Variants in TBXA2R observed in about 807,000 individuals in gnomAD.
TBXA2R encodes the protein thromboxane A2 receptor, also known as prostanoid TP receptor.
TBXA2R carries 15 observed loss-of-function variants against 15.6 expected under a neutral mutation model. The observed-to-expected ratio is 0.96, with a 90% CI of 0.64 to 1.48. The LOEUF (loss-of-function observed/expected upper bound fraction) is 1.48, where lower values mean the gene tolerates loss of function less well. Among genes scored for constraint, TBXA2R ranks in the 40% most tolerant of loss-of-function variants. TBXA2R has a pLI of 0.00. For synonymous variants in TBXA2R, 280 were observed against 241.2 expected (o/e 1.16, Z -1.49); for missense variants, 506 against 491.4 (o/e 1.03, Z -0.28).
At chr19:3,596,168 A>G (rs1318749197) in intron 2 of TBXA2R, among the ~76,000 whole-genome samples, 4 of 152,080 alleles carry the variant, frequency 2.6e-5, no homozygotes, top group African/African-American at 7.2e-5. Flanking sequence ...AGCTGGGATT[A>G]CAGGTGGCTG....
At chr19:3,597,131 G>A (rs553199119) in intron 2 of TBXA2R, among the ~76,000 whole-genome samples, 9 of 151,042 alleles carry the variant, frequency 6.0e-5, no homozygotes, top group Admixed American at 2.0e-4. Flanking sequence ...TAGTAGAGAC[G>A]GGGTTTCTCC....
Position 3,595,778 on chromosome 19 carries a change from G to C in TBXA2R, c.942C>G (p.Ala314=), listed in dbSNP as rs547404007. The C allele has an allele frequency of 8.1e-6, 13 of 1,609,876 alleles. No homozygotes were observed. Among genetic ancestry groups the C allele is most frequent in the African/African-American group, 4.0e-5 (3 of 75,020 alleles). Residue 314 remains alanine (A), a synonymous_variant, in exon 3 of 3, where the codon GCC becomes GCG. Coordinates refer to ENST00000375190, the MANE Select transcript of TBXA2R (RefSeq NM_001060.6). ...DPWVYILFRR[A]VLRRLQPRLS... ...GGCGAGGCTGGAGACGCCGGAGCAC[G>C]GCGCGGCGGAACAGGATATACACCC...
chr19:3,600,083 G>T lies in TBXA2R; in HGVS notation c.552C>A (p.Phe184Leu). The T allele has an allele frequency of 6.2e-7, 1 of 1,612,436 alleles. No homozygotes were observed. Among genetic ancestry groups the T allele is most frequent in the Non-Finnish European group, 8.5e-7 (1 of 1,179,710 alleles). ...YTVQYPGSWCFLTLGAESGDV... is the reference protein window; with the variant it reads ...YTVQYPGSWCLLTLGAESGDV... ...CCCCGGACTCGGCGCCCAGCGTCAG[G>T]AAGCACCAGGACCCCGGGTATTGCA... is the stretch of plus-strand genomic sequence containing the variant. Residue 184 changes from phenylalanine to leucine, a missense_variant, in exon 2 of 3, where the codon TTC becomes TTA. Transcript: ENST00000375190.
In TBXA2R at chr19:3,599,936, C is replaced by T. The variant is rs200390929; in HGVS notation, c.699G>A (p.Gln233=). The T allele has an allele frequency of 1.4e-5, 22 of 1,555,466 alleles. No homozygotes were observed. The highest frequency in any genetic ancestry group is 1.1e-4 in the South Asian group (9 of 84,566). ...CHVYHGQEAA[Q]QRPRDSEVEM... is the part of the protein sequence containing the mutation. ...CCACCTCGGAGTCCCGGGGACGCTG[C>T]TGGGCCGCCTCCTGCCCGTGGTAGA... is the stretch of plus-strand genomic sequence containing the variant. Residue 233 remains glutamine, a synonymous_variant, in exon 2 of 3, where the codon CAG becomes CAA. Transcript: ENST00000375190.
chr19:3,600,969 C>T (rs762913292), intron 1 of TBXA2R, among the ~76,000 whole-genome samples: 5 of 151,554 alleles, frequency 3.3e-5, no homozygotes, highest in African/African-American at 7.3e-5. Flanking sequence ...GCTGGGACTA[C>T]AGGCACATAC....
At chr19:3,605,947 GACAGACACAGACAGAAAAAC>G (rs2145302182) in intron 1 of TBXA2R, among the ~76,000 whole-genome samples, 1 of 147,924 alleles carries the variant, frequency 6.8e-6, no homozygotes, top group South Asian at 2.1e-4. Context: ...GCAGAAATGT[GACAGACACAGACAGAAAAAC>G]ACAGACACAC....
rs1204988729 is a variant in TBXA2R, at chr19:3,600,192, C to T, written c.443G>A (p.Arg148His). The change falls in exon 2 of 3, where the codon CGC becomes CAC. Residue 148 changes from arginine (R) to histidine (H), a missense_variant. Transcript: ENST00000375190. Reference sequence around the variant, plus strand: ...CACCAGCCCCACGGTGGCCCAGGCGCGGCGCTGCGAGGCGACCGCCGGGCG... The same window carrying T: ...CACCAGCCCCACGGTGGCCCAGGCGTGGCGCTGCGAGGCGACCGCCGGGCG... ...FSRPAVASQR[R>H]AWATVGLVWA... is the part of the protein sequence containing the mutation. 6.3e-7 allele frequency: 1 copy of T among 1,596,912 alleles called. No homozygotes were observed. The highest frequency in any genetic ancestry group is 8.5e-7 in the Non-Finnish European group (1 of 1,172,728).
intron 1 of TBXA2R, among the ~76,000 whole-genome samples, chr19:3,605,297 C>A (rs192787821): frequency 6.6e-6 from 1 of 152,366 alleles, no homozygotes; most frequent in East Asian, 1.9e-4. Flanking sequence ...TACAGTGATT[C>A]CACCAACATG....
At chr19:3,598,353 T>C (rs1424118792) in intron 2 of TBXA2R, among the ~76,000 whole-genome samples, 22 of 137,526 alleles carry the variant, frequency 1.6e-4, no homozygotes, top group Middle Eastern at 3.6e-3. Flanking sequence ...TTCTTTTCTT[T>C]TTTTTTTTTT....
chr19:3,595,885 C>T lies in TBXA2R; in HGVS notation c.835G>A (p.Ala279Thr), dbSNP rs780319875. 65 of 1,608,122 alleles carry T rather than the reference C, an allele frequency of 4.0e-5. No homozygotes were observed. The East Asian group carries it at 6.7e-4, about 17-fold the overall frequency. The change falls in exon 3 of 3, where the codon GCC becomes ACC. Residue 279 changes from alanine (A) to threonine (T), a missense_variant. Coordinates refer to ENST00000375190, the MANE Select transcript of TBXA2R (RefSeq NM_001060.6). Reference sequence around the variant, plus strand: ...TCCGTGGTGCGGGACAGCTGCCCGGCGGGGCTCATGGCAGGCGGGTTTCGC... The same window carrying T: ...TCCGTGGTGCGGGACAGCTGCCCGGTGGGGCTCATGGCAGGCGGGTTTCGC... ...VLRNPPAMSP[A>T]GQLSRTTEKE... is the part of the protein sequence containing the mutation.
rs2032577798 is a variant in TBXA2R at position 3,595,389 on chromosome 19, T to C, written c.*299A>G. ...GCAAGACTCCGTCTAAAAAAAAAAA[T>C]AGCAATGCAAGACCCTCTTCCAATG... is the stretch of plus-strand genomic sequence containing the variant. On this transcript the variant is annotated 3_prime_UTR_variant, in exon 3 of 3. Transcript: ENST00000375190. 3 of 1,363,954 alleles carry C rather than the reference T, an allele frequency of 2.2e-6. No individual in the cohort carries two copies. Among genetic ancestry groups the C allele is most frequent in the Non-Finnish European group, 2.8e-6 (3 of 1,063,896 alleles). 84.5% of individuals were successfully genotyped at this position (1,363,954 alleles called of 1,614,324 possible). A position where few individuals can be genotyped will look rare whatever the true frequency, so the allele number is the denominator to read the frequency against.
rs1361655869 is a variant in TBXA2R at position 3,600,309 on chromosome 19, C to T, written c.326G>A (p.Gly109Asp). The change falls in exon 2 of 3, where the codon GGC (glycine) becomes GAC (aspartate). Residue 109 changes from glycine (G) to aspartate (D), a missense_variant. By Grantham distance (94) the Gly-to-Asp change is moderately conservative (BLOSUM62 -1). Coordinates refer to ENST00000375190, the MANE Select transcript of TBXA2R (RefSeq NM_001060.6). Reference sequence around the variant, plus strand: ...CAGGCCGAAGAAGATCATGACGACGCCCATGAAGCGACAGAGACGGCAGCC... The same window carrying T: ...CAGGCCGAAGAAGATCATGACGACGTCCATGAAGCGACAGAGACGGCAGCC... ...DPGCRLCRFMGVVMIFFGLSP... is the reference protein window; with the variant it reads ...DPGCRLCRFMDVVMIFFGLSP... The T allele has an allele frequency of 1.2e-6, 2 of 1,612,974 alleles. No individual in the cohort carries two copies. The highest frequency in any genetic ancestry group is 1.7e-6 in the Non-Finnish European group (2 of 1,179,808).
chr19:3,599,795 G>T (rs1468853438), intron 2 of TBXA2R, 54 bp downstream of exon 2: 2 of 1,547,712 alleles, frequency 1.3e-6, no homozygotes, highest in Admixed American at 2.0e-5. Context: ...TCCACCCTGG[G>T]TGACCAGAGG....
In TBXA2R at chr19:3,594,630, A is replaced by C; in HGVS notation, c.*1058T>G. 1 of 478,810 alleles carries C rather than the reference A, an allele frequency of 2.1e-6. No homozygotes were observed. Among genetic ancestry groups the C allele is most frequent in the East Asian group, 3.6e-5 (1 of 27,874 alleles). 29.7% of individuals were successfully genotyped at this position (478,810 alleles called of 1,614,324 possible). On this transcript the variant is annotated 3_prime_UTR_variant, in exon 3 of 3. Transcript: ENST00000375190. ...GAATTCTAGGTGGTACCACCCATCA[A>C]GTGATTAGGAAACACTCAAGAAACA...
intron 2 of TBXA2R, among the ~76,000 whole-genome samples, chr19:3,599,223 T>C (rs1376607903): frequency 4.6e-5 from 7 of 151,974 alleles, no homozygotes; most frequent in Admixed American, 4.6e-4. Flanking sequence ...GGTGCAATCA[T>C]AGCTCACTGC....
At chr19:3,604,422 G>A (rs997537305) in intron 1 of TBXA2R, among the ~76,000 whole-genome samples, 3 of 108,668 alleles carry the variant, frequency 2.8e-5, no homozygotes, top group Admixed American at 2.5e-4. Context: ...AGTGGAATGT[G>A]ATCCTTGGTT....
intron 1 of TBXA2R, among the ~76,000 whole-genome samples, chr19:3,604,284 C>T (rs923097841): frequency 6.6e-6 from 1 of 152,176 alleles, no homozygotes; most frequent in African/African-American, 2.4e-5. Flanking sequence ...TCATCCGATG[C>T]CACCCCTGAC....
chr19:3,599,288 G>A (rs905319014), intron 2 of TBXA2R, among the ~76,000 whole-genome samples: 1 of 151,450 alleles, frequency 6.6e-6, no homozygotes, highest in Non-Finnish European at 1.5e-5. Context: ...TCAAAGTGCT[G>A]GGATTGCAGG....
At chr19:3,603,109 G>A (rs2032770275) in intron 1 of TBXA2R, among the ~76,000 whole-genome samples, 1 of 152,172 alleles carries the variant, frequency 6.6e-6, no homozygotes, top group African/African-American at 2.4e-5. Flanking sequence ...GCACAGCACA[G>A]CGGGCACTCA....
Sources: allele counts gnomAD v4.1 joint callset (sites outside exome capture counted in the v4.1 genomes callset), GRCh38; gene constraint gnomAD v4.1.1; transcripts MANE v1.5; gene names NCBI Gene and HGNC (gene_info 2026-07-23, HGNC 2026-07-21).